MEAK7: variants seen among roughly 807,000 people sequenced by gnomAD.
The protein encoded by MEAK7 is MTOR-associated protein MEAK7.
A neutral mutation model predicts 40.5 loss-of-function variants in MEAK7; 68 were observed. That is an observed-to-expected ratio of 1.68 (90% CI 1.38 to 2.06). MEAK7 has a LOEUF of 2.06. MEAK7 is among the 30% of genes most tolerant of loss of function. MEAK7 has a pLI of 0.00. For synonymous variants in MEAK7, 338 were observed against 231.9 expected, an observed-to-expected ratio of 1.46 and a Z score of -4.16; for missense variants, 918 against 580.5, an observed-to-expected ratio of 1.58 and a Z score of -5.98.
chr16:84,503,831 A>G, intron 1 of MEAK7: 2 of 657,406 alleles, frequency 3.0e-6, no homozygotes, highest in Non-Finnish European at 3.8e-6. Context: ...GGAATGGCTT[A>G]GTCACCTCCT....
In MEAK7 at chr16:84,489,875, G is replaced by A. The variant is rs568371897; in HGVS notation, c.385-453C>T. The stretch of plus-strand genomic sequence containing the variant: ...CCATAATGATAGAGGGCAAGCAACT[G>A]CTTTCTGGAGTTGCAGCTCGCTTCC... On this transcript the variant is annotated intron_variant, in intron 3 of 7. Transcript: ENST00000343629. Among the ~76,000 whole-genome samples, 168 of 152,288 alleles carry A rather than the reference G, an allele frequency of 1.1e-3. 1 individual carries two copies. Among genetic ancestry groups the A allele is most frequent in the South Asian group, 2.1e-3 (10 of 4,824 alleles).
chr16:84,501,179 A>G (rs1433896929), intron 1 of MEAK7, among the ~76,000 whole-genome samples: 5 of 152,132 alleles, frequency 3.3e-5, no homozygotes, highest in African/African-American at 9.6e-5. Flanking sequence ...GGGTGTAACA[A>G]GAAGAGTGAA....
chr16:84,491,539 A>AAAAAG (rs1913607131), intron 3 of MEAK7, among the ~76,000 whole-genome samples: 1 of 1,222 alleles, frequency 8.2e-4, no homozygotes, highest in Non-Finnish European at 3.4e-3. Flanking sequence ...ACCCTGTCTT[A>AAAAAG]AAAAAAAAAA....
At chr16:84,485,507 G>C (rs1301328674) in intron 5 of MEAK7, among the ~76,000 whole-genome samples, 1 of 152,202 alleles carries the variant, frequency 6.6e-6, no homozygotes, top group Admixed American at 6.5e-5. Flanking sequence ...CGATTCCAGA[G>C]GTGCGGGGTA....
chr16:84,491,432 G>C (rs772954711), intron 3 of MEAK7, among the ~76,000 whole-genome samples: 24 of 152,034 alleles, frequency 1.6e-4, no homozygotes, highest in Non-Finnish European at 2.9e-4. Flanking sequence ...CTACCTACTT[G>C]GGATGCTGAG....
At chr16:84,500,998 G>T (rs576479685) in intron 1 of MEAK7, among the ~76,000 whole-genome samples, 4 of 151,516 alleles carry the variant, frequency 2.6e-5, no homozygotes, top group Non-Finnish European at 5.9e-5. Context: ...GGGAGGCTGA[G>T]GCAGAAGAAT....
At chr16:84,489,710 C>G (rs1293112795) in intron 3 of MEAK7, among the ~76,000 whole-genome samples, 1 of 152,168 alleles carries the variant, frequency 6.6e-6, no homozygotes, top group African/African-American at 2.4e-5. Flanking sequence ...CTTCATTGCT[C>G]AAACCAACAG....
chr16:84,488,247 C>T (rs1351396195), intron 4 of MEAK7: 1 of 152,004 alleles, frequency 6.6e-6, no homozygotes, highest in African/African-American at 2.4e-5. Flanking sequence ...AACAGTTTAC[C>T]CATAAGACGA....
chr16:84,480,373 T>A (rs887982511), intron 7 of MEAK7, among the ~76,000 whole-genome samples, 156 bp downstream of exon 7: 1 of 152,130 alleles, frequency 6.6e-6, no homozygotes, highest in Non-Finnish European at 1.5e-5. Flanking sequence ...CTTCCAGCCA[T>A]GCATCTCCTG....
At chr16:84,502,220 G>T (rs553739334) in intron 1 of MEAK7, among the ~76,000 whole-genome samples, 7 of 152,108 alleles carry the variant, frequency 4.6e-5, no homozygotes, top group Non-Finnish European at 8.8e-5. Context: ...AGTGGAGCTC[G>T]ACTGGAGCAG....
chr16:84,482,431 C>A (rs867350749), intron 6 of MEAK7, among the ~76,000 whole-genome samples, 161 bp downstream of exon 6: 1 of 152,214 alleles, frequency 6.6e-6, no homozygotes, highest in Non-Finnish European at 1.5e-5. Context: ...GCTGTCACTG[C>A]CCCCAGCACC....
chr16:84,487,142 G>GTTTAGATAGT, intron 4 of MEAK7, 83 bp from the exon 5 acceptor site: 1 of 1,391,926 alleles, frequency 7.2e-7, no homozygotes, highest in Non-Finnish European at 9.7e-7. Flanking sequence ...ATCAGTGTGG[G>GTTTAGATAGT]AGCCACGAGT....
At position 84,476,416 on chromosome 16, in the gene MEAK7, G is replaced by A. The variant is rs1052716; in HGVS notation, c.*3497C>T. On this transcript the variant is annotated 3_prime_UTR_variant, in exon 8 of 8. Transcript: ENST00000343629. The stretch of plus-strand genomic sequence containing the variant: ...GAAAACATGGCAAACAGGCACCCCG[G>A]TATATTGAGTATAAATTGAGCTCAA... 6.6e-6 allele frequency: 1 copy of A among 151,910 alleles called. No homozygotes were observed. Among genetic ancestry groups the A allele is most frequent in the Non-Finnish European group, 1.5e-5 (1 of 67,994 alleles). The allele number at this position is 151,910 out of a possible 1,614,324, so 9.4% of individuals were successfully genotyped here.
rs145124555 is a variant in MEAK7 at position 84,483,371 on chromosome 16, C to T, written c.959-661G>A. 1.5e-3 allele frequency among the ~76,000 whole-genome samples: 227 copies of T among 152,364 alleles called. 5 individuals carry two copies. The East Asian group carries it at 0.031, about 21-fold the overall frequency. On this transcript the variant is annotated intron_variant, in intron 5 of 7. Transcript: ENST00000343629. The stretch of plus-strand genomic sequence containing the variant: ...GGGGACAGGGCCGTAGGCCAGGCCT[C>T]GTCCTCGGAGCTCCCAGCGAGGGAC...
chr16:84,502,227 G>A (rs115888821), intron 1 of MEAK7, among the ~76,000 whole-genome samples: 2,663 of 152,236 alleles, frequency 0.017, 98 homozygotes, highest in African/African-American at 0.062. Flanking sequence ...CTCGACTGGA[G>A]CAGTTTCGTC....
intron 3 of MEAK7, among the ~76,000 whole-genome samples, chr16:84,489,755 A>G (rs1429407217): frequency 1.3e-5 from 2 of 152,136 alleles, no homozygotes; most frequent in Non-Finnish European, 2.9e-5. Flanking sequence ...TACCCCCTCC[A>G]GAAAATCCCT....
intron 3 of MEAK7, among the ~76,000 whole-genome samples, chr16:84,493,229 G>A (rs1389973009): frequency 6.6e-6 from 1 of 152,178 alleles, no homozygotes; most frequent in African/African-American, 2.4e-5. Flanking sequence ...CTTGTCAATT[G>A]TGTCTTTAAC....
Position 84,497,985 on chromosome 16 carries a change from A to T in MEAK7, c.102T>A (p.Asp34Glu), listed in dbSNP as rs1914194630. 6.2e-7 allele frequency: 1 copy of T among 1,614,092 alleles called. No homozygotes were observed. The highest frequency in any genetic ancestry group is 1.7e-5 in the Admixed American group (1 of 60,004). ...TGGATGAGACATTCGGGCTGTTTTT[A>T]TCTGATGACAGAGCATCAAACAATT... is the stretch of plus-strand genomic sequence containing the variant. The part of the protein sequence containing the change: ...IDQLFDALSS[D>E]KNSPNVSSKS... The change falls in exon 2 of 8, where the codon GAT (aspartate) becomes GAA (glutamate). Residue 34 changes from aspartate to glutamate, a missense_variant. Transcript: ENST00000343629.
intron 1 of MEAK7, among the ~76,000 whole-genome samples, chr16:84,500,712 T>C (rs968454381): frequency 3.3e-5 from 5 of 152,148 alleles, no homozygotes; most frequent in Non-Finnish European, 7.4e-5. Context: ...ACCTCCAGCC[T>C]GGACTCAATG....
Sources: allele counts gnomAD v4.1 joint callset (sites outside exome capture counted in the v4.1 genomes callset), GRCh38; gene constraint gnomAD v4.1.1; transcripts MANE v1.5; gene names NCBI Gene and HGNC (gene_info 2026-07-23, HGNC 2026-07-21).